SLA: variants seen among roughly 807,000 people sequenced by gnomAD.
SLA encodes Src like adaptor.
In SLA, 16 loss-of-function variants were observed where a neutral mutation model predicts 30.3. The ratio of observed to expected loss-of-function variants is 0.53; its 90% CI spans 0.36 to 0.80. SLA has a LOEUF of 0.80. Ranked by LOEUF, SLA falls within the 30% of genes least tolerant of loss-of-function variation. SLA has a pLI of 0.01. For missense variants in SLA, 310 were observed against 345.2 expected (o/e 0.90, Z 0.81); for synonymous variants, 143 against 137.8 (o/e 1.04, Z -0.26).
chr8:133,095,158 T>C, intron 1 of SLA: 1 of 1,614,218 alleles, frequency 6.2e-7, no homozygotes, highest in South Asian at 1.1e-5. Context: ...AGAAGTGGTG[T>C]CCTGCCTCCG....
intron 2 of SLA, among the ~76,000 whole-genome samples, chr8:133,062,030 C>A (rs867376116): frequency 2.6e-5 from 4 of 152,332 alleles, no homozygotes; most frequent in South Asian, 2.1e-4. Context: ...AAGACAATGA[C>A]CAGGCTCGCA....
At chr8:133,054,610 C>T (rs760139565) in intron 3 of SLA, among the ~76,000 whole-genome samples, 1 of 152,172 alleles carries the variant, frequency 6.6e-6, no homozygotes, top group Non-Finnish European at 1.5e-5. Context: ...AACTCAAGAC[C>T]AGTGTTAGCC....
At chr8:133,085,062 G>C (rs530244933) in intron 1 of SLA, among the ~76,000 whole-genome samples, 1 of 152,210 alleles carries the variant, frequency 6.6e-6, no homozygotes. Flanking sequence ...AGCATGTAAA[G>C]TGCTTGGAGC....
chr8:133,063,330 C>G (rs896186755), intron 2 of SLA, among the ~76,000 whole-genome samples: 1 of 151,730 alleles, frequency 6.6e-6, no homozygotes, highest in Non-Finnish European at 1.5e-5. Flanking sequence ...CAGCAGGCTC[C>G]CACCACAATG....
At chr8:133,051,784 G>C (rs866316715) in intron 3 of SLA, among the ~76,000 whole-genome samples, 5 of 152,158 alleles carry the variant, frequency 3.3e-5, no homozygotes, top group African/African-American at 9.7e-5. Context: ...ATTTTTGGGG[G>C]AAATAACAAG....
intron 3 of SLA, among the ~76,000 whole-genome samples, chr8:133,055,662 C>T (rs957362441): frequency 3.3e-5 from 5 of 152,134 alleles, no homozygotes; most frequent in African/African-American, 1.2e-4. Context: ...CTCTTAGATG[C>T]TAGAGGGATA....
chr8:133,083,835 C>G (rs932147795), intron 1 of SLA, among the ~76,000 whole-genome samples: 1 of 152,172 alleles, frequency 6.6e-6, no homozygotes, highest in Non-Finnish European at 1.5e-5. Flanking sequence ...GCTGCCCCGT[C>G]CAGGTTCTAG....
At position 133,088,245 on chromosome 8, in the gene SLA, G is replaced by T. The variant is rs150851642; in HGVS notation, c.-318-13115C>A. On this transcript the variant is annotated intron_variant, in intron 1 of 8. Transcript: ENST00000338087. Reference sequence around the variant, plus strand: ...GGCATTCCTGTGATGGAGGAGCCAGGCTCCCCTCCTGCTCCTCCTCCTCCT... The same window carrying T: ...GGCATTCCTGTGATGGAGGAGCCAGTCTCCCCTCCTGCTCCTCCTCCTCCT... 4.7e-5 allele frequency among the ~76,000 whole-genome samples: 7 copies of T among 149,346 alleles called. No individual in the cohort carries two copies. The East Asian group carries it at 1.4e-3, about 30-fold the overall frequency.
intron 2 of SLA, among the ~76,000 whole-genome samples, chr8:133,072,056 A>G (rs1175931051): frequency 1.3e-5 from 2 of 152,162 alleles, no homozygotes; most frequent in Non-Finnish European, 2.9e-5. Context: ...GCCCCTAAGC[A>G]CAAGCCAGCA....
chr8:133,094,984 A>C, intron 1 of SLA: 2 of 1,608,908 alleles, frequency 1.2e-6, no homozygotes, highest in Non-Finnish European at 1.7e-6. Context: ...TGAGGACTCC[A>C]GGTGAGCAGG....
In SLA at chr8:133,042,678, C is replaced by CTTTTTTTTTTTTTT. The variant is rs58739514; in HGVS notation, c.484+2292_484+2305dup. ...GTGCACAATTCCTCTCATTCTGTGT[C>CTTTTTTTTTTTTTT]TTTTTTTTTTTTTTTTTTTTTTTTT... On this transcript the variant is annotated intron_variant, in intron 7 of 8. Coordinates refer to ENST00000338087, the MANE Select transcript of SLA (RefSeq NM_001045556.3). Among the ~76,000 whole-genome samples, 53 of 56,764 alleles carry CTTTTTTTTTTTTTT rather than the reference C, an allele frequency of 9.3e-4. 8 individuals are homozygous for CTTTTTTTTTTTTTT. Among genetic ancestry groups the CTTTTTTTTTTTTTT allele is most frequent in the Non-Finnish European group, 1.2e-3 (36 of 30,784 alleles). The allele number at this position is 56,764 out of a possible 152,430, so 37.2% of individuals were successfully genotyped here. A position where few individuals can be genotyped will look rare whatever the true frequency, so the allele number is the denominator to read the frequency against.
In SLA at chr8:133,038,177, T is replaced by A. The variant is rs1489129936; in HGVS notation, c.*347A>T. The A allele has an allele frequency of 3.1e-6, 1 of 319,162 alleles. No homozygotes were observed. The highest frequency in any genetic ancestry group is 6.0e-6 in the Non-Finnish European group (1 of 168,046). 19.8% of individuals were successfully genotyped at this position (319,162 alleles called of 1,614,324 possible). A position where few individuals can be genotyped will look rare whatever the true frequency, so the allele number is the denominator to read the frequency against. ...CTTGGAGTGTAACTGTCTGGACAGG[T>A]CCAGTTCCTTGGAGAGCAGTCCTGG... is the stretch of plus-strand genomic sequence containing the variant. On this transcript the variant is annotated 3_prime_UTR_variant, in exon 9 of 9. Coordinates refer to ENST00000338087, the MANE Select transcript of SLA (RefSeq NM_001045556.3).
In SLA at chr8:133,075,053, C is replaced by T. The variant is rs116066088; in HGVS notation, c.-241G>A. 1.0e-4 allele frequency: 101 copies of T among 985,316 alleles called. 1 individual carries two copies. Among genetic ancestry groups the T allele is most frequent in the South Asian group, 1.4e-4 (3 of 21,282 alleles). 61.0% of individuals were successfully genotyped at this position (985,316 alleles called of 1,614,324 possible). Reference sequence around the variant, plus strand: ...GGCCGCATACTTCCTCTGCTAGGAACGAGGAAGGCACAGGGCTTGCAGAAG... The same window carrying T: ...GGCCGCATACTTCCTCTGCTAGGAATGAGGAAGGCACAGGGCTTGCAGAAG... On this transcript the variant is annotated 5_prime_UTR_variant, in exon 2 of 9. Transcript: ENST00000338087.
At chr8:133,043,207 T>A (rs907179230) in intron 7 of SLA, among the ~76,000 whole-genome samples, 9 of 152,132 alleles carry the variant, frequency 5.9e-5, no homozygotes, top group African/African-American at 2.2e-4. Flanking sequence ...ATATTCCCCA[T>A]GGTCAAGCAG....
At chr8:133,044,278 C>T (rs1325211618) in intron 7 of SLA, among the ~76,000 whole-genome samples, 3 of 152,128 alleles carry the variant, frequency 2.0e-5, no homozygotes, top group Non-Finnish European at 4.4e-5. Flanking sequence ...TCAACTTTCT[C>T]TCTCTGGCAG....
intron 1 of SLA, among the ~76,000 whole-genome samples, chr8:133,077,753 G>GTGTA (rs1217976393): frequency 1.3e-5 from 2 of 151,512 alleles, no homozygotes; most frequent in Non-Finnish European, 2.9e-5. Context: ...GTGTGTGTGT[G>GTGTA]TGTGTGTGTG....
chr8:133,061,795 ACAGGTT>A (rs1290832346), intron 2 of SLA, among the ~76,000 whole-genome samples: 1 of 152,158 alleles, frequency 6.6e-6, no homozygotes, highest in Non-Finnish European at 1.5e-5. Flanking sequence ...CCCTATGTGT[ACAGGTT>A]CTGGAAAGAA....
At chr8:133,088,788 G>T (rs944532157) in intron 1 of SLA, among the ~76,000 whole-genome samples, 2 of 152,164 alleles carry the variant, frequency 1.3e-5, no homozygotes, top group African/African-American at 4.8e-5. Context: ...GGGATTTCAA[G>T]ACGAATTGTA....
At chr8:133,094,361 C>A (rs1453208299) in intron 1 of SLA, among the ~76,000 whole-genome samples, 2 of 151,458 alleles carry the variant, frequency 1.3e-5, no homozygotes, top group Non-Finnish European at 2.9e-5. Context: ...CTACCTCAGC[C>A]TCCCAAGTAG....
Sources: gnomAD v4.1 joint callset for allele counts (sites outside exome capture counted in the v4.1 genomes callset) on GRCh38, gnomAD v4.1.1 for gene constraint, MANE v1.5 for transcripts, NCBI Gene and HGNC (gene_info 2026-07-23, HGNC 2026-07-21) for gene names.